The following SPTBN1 variants were observed in gnomAD, a reference collection of about 807,000 sequenced individuals.
SPTBN1 encodes the protein spectrin beta, non-erythrocytic 1, also known as spectrin beta chain, non-erythrocytic 1.
Under a neutral mutation model 266.4 loss-of-function variants are expected in SPTBN1, and 32 were observed. That is an observed-to-expected ratio of 0.12 (90% CI 0.09 to 0.16). The LOEUF (loss-of-function observed/expected upper bound fraction) is 0.16. SPTBN1 is among the 10% of genes least tolerant of loss of function. The pLI is 1.00. For synonymous variants in SPTBN1, 1,336 were observed against 1,162.2 expected, an observed-to-expected ratio of 1.15 and a Z score of -3.04; for missense variants, 2,296 against 3,067.1, an observed-to-expected ratio of 0.75 and a Z score of 5.94.
At chr2:54,523,186 T>A (rs757935675) in intron 1 of SPTBN1, among the ~76,000 whole-genome samples, 19 of 152,256 alleles carry the variant, frequency 1.2e-4, no homozygotes, top group Non-Finnish European at 2.4e-4. Flanking sequence ...TGTAAGATCA[T>A]TCAATGGAAT....
intron 1 of SPTBN1, among the ~76,000 whole-genome samples, chr2:54,484,770 T>TATG (rs1553431730): frequency 2.0e-5 from 3 of 151,746 alleles, no homozygotes; most frequent in Non-Finnish European, 2.9e-5. Flanking sequence ...GTGGGGTGGT[T>TATG]GTGTCGGAGA....
chr2:54,486,955 T>A (rs147874538), intron 1 of SPTBN1, among the ~76,000 whole-genome samples: 21 of 152,170 alleles, frequency 1.4e-4, no homozygotes, highest in African/African-American at 4.8e-4. Flanking sequence ...TTGCTCTGAG[T>A]CATTTACGTG....
intron 29 of SPTBN1, among the ~76,000 whole-genome samples, chr2:54,656,439 T>C (rs1680664196): frequency 6.6e-6 from 1 of 152,174 alleles, no homozygotes; most frequent in Non-Finnish European, 1.5e-5. Context: ...TTCTAAGTGG[T>C]TTTTTAATGT....
intron 32 of SPTBN1, chr2:54,661,123 C>G (rs986422957): frequency 8.1e-6 from 8 of 985,226 alleles, no homozygotes; most frequent in Non-Finnish European, 9.6e-6. Flanking sequence ...TCTTCTGATT[C>G]ATTGTTCATT....
intron 5 of SPTBN1, among the ~76,000 whole-genome samples, chr2:54,617,009 A>G (rs879685535): frequency 6.6e-6 from 1 of 152,236 alleles, no homozygotes; most frequent in Non-Finnish European, 1.5e-5. Flanking sequence ...ATGGCCTAAT[A>G]AAAGGGTCAA....
chr2:54,580,077 GC>G (rs1674780916), intron 2 of SPTBN1, among the ~76,000 whole-genome samples: 1 of 152,312 alleles, frequency 6.6e-6, no homozygotes, highest in South Asian at 2.1e-4. Context: ...AGATTTCCGG[GC>G]TGGCTCTGAC....
intron 2 of SPTBN1, among the ~76,000 whole-genome samples, chr2:54,561,241 C>G (rs1484567774): frequency 1.3e-5 from 2 of 152,202 alleles, no homozygotes; most frequent in Non-Finnish European, 2.9e-5. Flanking sequence ...GAAGTCCTGG[C>G]TCAAGCCATC....
Position 54,649,567 on chromosome 2 carries a change from C to T in SPTBN1, c.5203-48C>T. On this transcript the variant is annotated intron_variant, in intron 25 of 35. Coordinates refer to ENST00000356805, the MANE Select transcript of SPTBN1 (RefSeq NM_003128.3). The surrounding 1 kb of genome is among the most constrained non-coding windows in gnomAD (Gnocchi z 6.7). The stretch of plus-strand genomic sequence containing the variant: ...AGGGTATTCATGTGATCAAGAAATA[C>T]AGAGTTCACAGTGGGCTCTCTGATT... 3 of 1,582,358 alleles carry T rather than the reference C, an allele frequency of 1.9e-6. No homozygotes were observed. The highest frequency in any genetic ancestry group is 2.6e-6 in the Non-Finnish European group (3 of 1,160,596).
chr2:54,463,541 A>G (rs1693477415), intron 1 of SPTBN1, among the ~76,000 whole-genome samples: 4 of 152,222 alleles, frequency 2.6e-5, no homozygotes. Context: ...CCTTGGGCAA[A>G]CTGCCTAGAC....
intron 19 of SPTBN1, among the ~76,000 whole-genome samples, chr2:54,643,564 A>G (rs983014523): frequency 4.6e-5 from 7 of 152,192 alleles, no homozygotes; most frequent in Admixed American, 1.3e-4. Flanking sequence ...AATAATTACT[A>G]TGATGTGTTA....
rs199584027 is a variant in SPTBN1 at position 54,668,473 on chromosome 2, C to T, written c.6999C>T (p.Val2333=). 8 of 1,614,214 alleles carry T rather than the reference C, an allele frequency of 5.0e-6. No individual in the cohort carries two copies. Among genetic ancestry groups the T allele is most frequent in the East Asian group, 2.2e-5 (1 of 44,888 alleles). ...SSRAQTLPTS[V]VTITSESSPG... is the part of the protein sequence containing the mutation. Reference sequence around the variant, plus strand: ...GCGCGCAGACCCTCCCCACCAGCGTCGTCACCATCACCAGCGAGTCCAGTC... The same window carrying T: ...GCGCGCAGACCCTCCCCACCAGCGTTGTCACCATCACCAGCGAGTCCAGTC... The change falls in exon 36 of 36, where the codon GTC becomes GTT. Residue 2333 remains valine, a synonymous_variant. Transcript: ENST00000356805.
intron 2 of SPTBN1, among the ~76,000 whole-genome samples, chr2:54,591,587 G>A (rs369190207): frequency 6.6e-6 from 1 of 152,108 alleles, no homozygotes; most frequent in Admixed American, 6.5e-5. Context: ...CAATGAATAG[G>A]GTCTTTTGAC....
intron 33 of SPTBN1, 26 bp from the exon 34 acceptor site, chr2:54,665,889 C>G: frequency 1.3e-6 from 2 of 1,595,930 alleles, no homozygotes; most frequent in Non-Finnish European, 1.7e-6. Context: ...TTTATCTCCC[C>G]CTGCCCTTTT....
chr2:54,474,430 C>A (rs1489597360), intron 1 of SPTBN1, among the ~76,000 whole-genome samples: 1 of 151,756 alleles, frequency 6.6e-6, no homozygotes, highest in Non-Finnish European at 1.5e-5. Flanking sequence ...CACTTTGTGA[C>A]CCTGAGCAAG....
intron 17 of SPTBN1, among the ~76,000 whole-genome samples, chr2:54,635,412 C>T (rs112379616): frequency 2.6e-5 from 4 of 152,214 alleles, no homozygotes; most frequent in South Asian, 4.1e-4. Context: ...GTCACACCTG[C>T]GCATAGATCG....
chr2:54,461,392 G>T (rs2103792529), intron 1 of SPTBN1, among the ~76,000 whole-genome samples: 1 of 152,306 alleles, frequency 6.6e-6, no homozygotes, highest in Non-Finnish European at 1.5e-5. Flanking sequence ...ATTGTGAAAG[G>T]GTTGCTGTGA....
chr2:54,607,221 AATAAC>A (rs1558421921), intron 3 of SPTBN1, among the ~76,000 whole-genome samples: 1 of 152,276 alleles, frequency 6.6e-6, no homozygotes. Context: ...AACAATGAAA[AATAAC>A]AATACAGAAA....
In SPTBN1 at chr2:54,628,046, G is replaced by A. The variant is rs1369596157; in HGVS notation, c.1645-51G>A. On this transcript the variant is annotated intron_variant, in intron 12 of 35. Transcript: ENST00000356805. The surrounding 1 kb of genome is among the most constrained non-coding windows in gnomAD (Gnocchi z 4.3). ...GCTTGTCGAAAGATGATGTGATGCT[G>A]AAGTCAAGGCTATAGTCACAGATGT... 1.3e-6 allele frequency: 2 copies of A among 1,549,202 alleles called. No homozygotes were observed. The highest frequency in any genetic ancestry group is 3.7e-5 in the Admixed American group (2 of 53,482).
intron 2 of SPTBN1, chr2:54,529,537 C>G: frequency 1.4e-6 from 1 of 712,400 alleles, no homozygotes; most frequent in Non-Finnish European, 2.6e-6. Flanking sequence ...CTCGGAAGAC[C>G]ACCCCCAGGA....
Sources: gnomAD v4.1 joint callset for allele counts (sites outside exome capture counted in the v4.1 genomes callset) on GRCh38, gnomAD v4.1.1 for gene constraint, Gnocchi (gnomAD v3.1) non-coding constraint, MANE v1.5 for transcripts, NCBI Gene and HGNC (gene_info 2026-07-23, HGNC 2026-07-21) for gene names.